IKZF2: variants seen among roughly 807,000 people sequenced by gnomAD.
IKZF2 encodes zinc finger protein Helios.
Under a neutral mutation model 49.2 loss-of-function variants are expected in IKZF2, and 15 were observed. That is an observed-to-expected ratio of 0.30 (90% confidence interval 0.20 to 0.47). The LOEUF (loss-of-function observed/expected upper bound fraction) is 0.47. Ranked by LOEUF, IKZF2 falls within the 20% of genes least tolerant of loss-of-function variation. The pLI is 1.00. For missense variants in IKZF2, 567 were observed against 664.6 expected (o/e 0.85, Z 1.61); for synonymous variants, 227 against 221.4 (o/e 1.03, Z -0.23).
Position 213,057,112 on chromosome 2 carries a change from A to G in IKZF2, c.140-13T>C, listed in dbSNP as rs563954234. 8 of 1,606,440 alleles carry G rather than the reference A, an allele frequency of 5.0e-6. No individual in the cohort carries two copies. The highest frequency in any genetic ancestry group is 6.8e-6 in the Non-Finnish European group (8 of 1,176,770). ...TTTACTGAATTTGCTGTAATTTGAA[A>G]AGAAGAAAATAAATTTTAAATACAT... On this transcript the variant is annotated splice_polypyrimidine_tract_variant and intron_variant, in intron 4 of 8. Coordinates refer to ENST00000434687, the MANE Select transcript of IKZF2 (RefSeq NM_001387220.1).
At chr2:213,093,729 A>G (rs1254697216) in intron 4 of IKZF2, among the ~76,000 whole-genome samples, 1 of 152,208 alleles carries the variant, frequency 6.6e-6, no homozygotes, top group Non-Finnish European at 1.5e-5. Flanking sequence ...AATTGAAGGA[A>G]TAACTAGAAA....
intron 6 of IKZF2, 102 bp downstream of exon 6, chr2:213,049,611 G>T: frequency 1.3e-6 from 1 of 770,610 alleles, no homozygotes. Context: ...GATTGTCTTG[G>T]TCATTACCGA....
chr2:213,000,392 C>CT lies in IKZF2; in HGVS notation c.*6967dup. 6.6e-6 allele frequency: 1 copy of CT among 150,716 alleles called. No homozygotes were observed. 9.3% of individuals were successfully genotyped at this position (150,716 alleles called of 1,614,324 possible). On this transcript the variant is annotated 3_prime_UTR_variant, in exon 9 of 9. Transcript: ENST00000434687. The stretch of plus-strand genomic sequence containing the variant: ...TCTAAAACACAAAATACCCTAGAAA[C>CT]TGTCAAGCAATTAGTCTTTAAAATA...
chr2:213,008,549 GA>G (rs1230875534), intron 8 of IKZF2, among the ~76,000 whole-genome samples: 1 of 151,776 alleles, frequency 6.6e-6, no homozygotes, highest in African/African-American at 2.4e-5. Flanking sequence ...TTCTTGACAT[GA>G]AAAAAATATA....
intron 4 of IKZF2, among the ~76,000 whole-genome samples, chr2:213,097,280 ATGT>A (rs1574833973): frequency 6.6e-6 from 1 of 151,984 alleles, no homozygotes; most frequent in East Asian, 1.9e-4. Context: ...ATATTTCAAA[ATGT>A]TTTATTAGTT....
chr2:213,087,919 G>A (rs552020948), intron 4 of IKZF2, among the ~76,000 whole-genome samples: 1 of 152,248 alleles, frequency 6.6e-6, no homozygotes, highest in East Asian at 1.9e-4. Flanking sequence ...TGGACATTTG[G>A]GTTGGTTCCA....
upstream of IKZF2, chr2:213,151,667 T>G (rs1431873983): frequency 6.7e-6 from 1 of 149,552 alleles, no homozygotes; most frequent in Non-Finnish European, 1.5e-5. Context: ...CGAGCACATC[T>G]CCCCCGCCGG....
intron 7 of IKZF2, among the ~76,000 whole-genome samples, chr2:213,018,468 T>C (rs911543233): frequency 5.3e-5 from 8 of 152,148 alleles, no homozygotes; most frequent in Non-Finnish European, 1.0e-4. Context: ...TCTTCTGCAG[T>C]TGCCTCTTCA....
chr2:213,152,336 C>T (rs1173430948), upstream of IKZF2: 4 of 152,298 alleles, frequency 2.6e-5, no homozygotes, highest in East Asian at 1.9e-4. Context: ...GGCAACTCTG[C>T]GGCCCCATTT....
intron 4 of IKZF2, among the ~76,000 whole-genome samples, chr2:213,110,501 AT>A (rs982353135): frequency 6.6e-6 from 1 of 151,178 alleles, no homozygotes; most frequent in African/African-American, 2.4e-5. Flanking sequence ...CATGATTCTT[AT>A]TTTTTATATA....
chr2:213,105,067 G>A (rs919327591), intron 4 of IKZF2, among the ~76,000 whole-genome samples: 1 of 152,022 alleles, frequency 6.6e-6, no homozygotes, highest in Admixed American at 6.6e-5. Context: ...TCTCAAAGGA[G>A]CTCATTGCTT....
chr2:213,108,180 A>C (rs1373012500), intron 4 of IKZF2, among the ~76,000 whole-genome samples: 2 of 152,220 alleles, frequency 1.3e-5, no homozygotes, highest in Non-Finnish European at 2.9e-5. Flanking sequence ...AACCTGTGAA[A>C]AAATGAAATA....
In IKZF2 at chr2:213,031,336, T is replaced by C. The variant is rs551408192; in HGVS notation, c.575-9206A>G. ...CCAAATATTGCCATTTGTTTTATAA[T>C]GTAATAACAATGTTCAAAGTAAACT... On this transcript the variant is annotated intron_variant, in intron 6 of 8. Coordinates refer to ENST00000434687, the MANE Select transcript of IKZF2 (RefSeq NM_001387220.1). Among the ~76,000 whole-genome samples the C allele has an allele frequency of 3.3e-5, 5 of 152,338 alleles. No homozygotes were observed. The East Asian group carries it at 5.8e-4, about 18-fold the overall frequency.
intron 4 of IKZF2, among the ~76,000 whole-genome samples, chr2:213,083,862 C>T (rs1273934079): frequency 6.6e-6 from 1 of 151,298 alleles, no homozygotes; most frequent in Admixed American, 6.6e-5. Context: ...TCCACAGATT[C>T]TACATTATGA....
intron 4 of IKZF2, among the ~76,000 whole-genome samples, chr2:213,133,847 G>T (rs2060562545): frequency 6.6e-6 from 1 of 152,088 alleles, no homozygotes; most frequent in Non-Finnish European, 1.5e-5. Flanking sequence ...TTCTATGCTA[G>T]ATGTAAAAGC....
intron 7 of IKZF2, chr2:213,021,346 G>GACA (rs1214598518): frequency 6.5e-6 from 1 of 153,346 alleles, no homozygotes; most frequent in Admixed American, 6.5e-5. Context: ...AGACAAGATA[G>GACA]ACATTACAAA....
rs1442751979 is a variant in IKZF2, at chr2:213,002,109, T to C, written c.*5251A>G. ...GCAAACTCATTTATTTGTACCTATA[T>C]GAACTTATATGCTGTACTTTATGTG... On this transcript the variant is annotated 3_prime_UTR_variant, in exon 9 of 9. Coordinates refer to ENST00000434687, the MANE Select transcript of IKZF2 (RefSeq NM_001387220.1). The C allele has an allele frequency of 2.0e-5, 3 of 151,514 alleles. No individual in the cohort carries two copies. Among genetic ancestry groups the C allele is most frequent in the Admixed American group, 6.6e-5 (1 of 15,174 alleles). 9.4% of individuals were successfully genotyped at this position (151,514 alleles called of 1,614,324 possible).
rs759099046 is a variant in IKZF2 at position 213,049,735 on chromosome 2, T to G, written c.552A>C (p.Thr184=). Residue 184 remains threonine, a synonymous_variant, in exon 6 of 9, where the codon ACA becomes ACC. Coordinates refer to ENST00000434687, the MANE Select transcript of IKZF2 (RefSeq NM_001387220.1). ...SYACRRRDAL[T]GHLRTHSVGK... is the part of the protein sequence containing the mutation. ...TACCAGAATGGGTCCTGAGGTGTCC[T>G]GTGAGGGCGTCCCTTCTTCTACAGG... 6.2e-7 allele frequency: 1 copy of G among 1,607,234 alleles called. No individual in the cohort carries two copies. Among genetic ancestry groups the G allele is most frequent in the Non-Finnish European group, 8.5e-7 (1 of 1,175,868 alleles).
Position 213,022,004 on chromosome 2 carries a change from A to C in IKZF2, c.701T>G (p.Met234Arg), listed in dbSNP as rs1697279223. 11 of 1,612,082 alleles carry C rather than the reference A, an allele frequency of 6.8e-6. No individual in the cohort carries two copies. Among genetic ancestry groups the C allele is most frequent in the African/African-American group, 1.3e-5 (1 of 74,944 alleles). ...CAGTTTCTACCCACCATGGTGACTC[A>C]TGACCTGCCCAGCAGCCTCCATGCT... is the stretch of plus-strand genomic sequence containing the variant. ...NVSMEAAGQV[M>R]SHHVPPMEDC... is the part of the protein sequence containing the mutation. The change falls in exon 7 of 9, where the codon ATG becomes AGG. Residue 234 changes from methionine to arginine, a missense_variant. Coordinates refer to ENST00000434687, the MANE Select transcript of IKZF2 (RefSeq NM_001387220.1).
Sources: allele counts gnomAD v4.1 joint callset (sites outside exome capture counted in the v4.1 genomes callset), GRCh38; gene constraint gnomAD v4.1.1; transcripts MANE v1.5; gene names NCBI Gene and HGNC (gene_info 2026-07-23, HGNC 2026-07-21).